Variants in M1AP observed in about 807,000 individuals in gnomAD.
M1AP encodes the protein meiosis 1 associated protein.
M1AP carries 39 observed loss-of-function variants against 51.2 expected under a neutral mutation model. That is an observed-to-expected ratio of 0.76 (90% CI 0.59 to 1.00). The LOEUF is 1.00. Ranked by LOEUF, M1AP falls within the 50% of genes least tolerant of loss-of-function variation. The pLI is 0.00. For missense variants in M1AP, 545 were observed against 641.2 expected, an observed-to-expected ratio of 0.85 and a Z score of 1.62; for synonymous variants, 251 against 249.2, an observed-to-expected ratio of 1.01 and a Z score of -0.07.
At chr2:74,615,428 A>T in intron 2 of M1AP, 1 of 355,364 alleles carries the variant, frequency 2.8e-6, no homozygotes, top group South Asian at 3.4e-5. Flanking sequence ...CACAAAGGGA[A>T]ATCCAGTTGT....
chr2:74,646,384 C>T (rs2104869044), intron 1 of M1AP, among the ~76,000 whole-genome samples: 1 of 152,308 alleles, frequency 6.6e-6, no homozygotes, highest in African/African-American at 2.4e-5. Flanking sequence ...TTGACACTGC[C>T]TCCACCTGAT....
At chr2:74,608,132 T>G (rs1171335457) in intron 3 of M1AP, among the ~76,000 whole-genome samples, 2 of 152,180 alleles carry the variant, frequency 1.3e-5, no homozygotes, top group African/African-American at 4.8e-5. Context: ...CTTGGTGTAG[T>G]ACATTCTATG....
intron 10 of M1AP, 36 bp from the exon 11 acceptor site, chr2:74,558,910 C>G (rs202130624): frequency 2.3e-4 from 353 of 1,554,814 alleles, no homozygotes; most frequent in Admixed American, 4.2e-4. Context: ...CTCTGAAGAT[C>G]AGAGTTTCTG....
At chr2:74,647,456 T>C in intron 1 of M1AP, 1 of 910,342 alleles carries the variant, frequency 1.1e-6, no homozygotes, top group Non-Finnish European at 1.3e-6. Context: ...ACTTTCGTCT[T>C]CGTGGACCCC....
At chr2:74,631,962 T>C (rs1682731951) in intron 2 of M1AP, among the ~76,000 whole-genome samples, 1 of 152,250 alleles carries the variant, frequency 6.6e-6, no homozygotes, top group African/African-American at 2.4e-5. Flanking sequence ...AATATTTATA[T>C]AGGTCAGTGA....
chr2:74,642,568 G>A (rs1037791329), intron 1 of M1AP, among the ~76,000 whole-genome samples: 1 of 152,314 alleles, frequency 6.6e-6, no homozygotes, highest in South Asian at 2.1e-4. Flanking sequence ...CAAGGAGCAT[G>A]CTATCATCAC....
intron 4 of M1AP, among the ~76,000 whole-genome samples, chr2:74,583,984 T>C (rs1379594330): frequency 1.3e-5 from 2 of 152,216 alleles, no homozygotes; most frequent in African/African-American, 2.4e-5. Context: ...CCATCAGATA[T>C]ATCTGACACT....
Position 74,558,407 on chromosome 2 carries a change from TGA to T in M1AP, c.*307_*308del, listed in dbSNP as rs1677652027. The T allele has an allele frequency of 1.3e-5, 4 of 313,816 alleles. No individual in the cohort carries two copies. In the East Asian group the frequency reaches 3.6e-4, roughly 28 times the overall value. The allele number at this position is 313,816 out of a possible 1,614,324, so 19.4% of individuals were successfully genotyped here. A position where few individuals can be genotyped will look rare whatever the true frequency, so the allele number is the denominator to read the frequency against. On this transcript the variant is annotated 3_prime_UTR_variant, in exon 11 of 11. Transcript: ENST00000421985. The stretch of plus-strand genomic sequence containing the variant: ...TACACAGAGCTACAAGAAGAAATTC[TGA>T]GTTATGAATGCTCCTAACAATGGTA...
At chr2:74,563,624 A>C (rs1330339624) in intron 7 of M1AP, among the ~76,000 whole-genome samples, 2 of 151,668 alleles carry the variant, frequency 1.3e-5, no homozygotes, top group East Asian at 1.9e-4. Flanking sequence ...AAAAAAAAAA[A>C]AAACATAAAG....
rs532739278 is a variant in M1AP, at chr2:74,564,055, G to T, written c.1075-1632C>A. 1.4e-4 allele frequency among the ~76,000 whole-genome samples: 22 copies of T among 152,294 alleles called. No individual in the cohort carries two copies. The South Asian group carries it at 4.3e-3, about 30-fold the overall frequency. ...ACATAAGATAGAAGAAAACACATGA[G>T]TTCTGGCTACTCTTATATGAAAAGT... On this transcript the variant is annotated intron_variant, in intron 7 of 10. Transcript: ENST00000421985.
At chr2:74,560,423 T>C (rs983510226) in intron 8 of M1AP, 132 bp from the exon 9 acceptor site, 3 of 908,758 alleles carry the variant, frequency 3.3e-6, no homozygotes, top group South Asian at 1.8e-5. Context: ...GGCTGTGAAA[T>C]AGATGCTGTC....
chr2:74,591,008 T>C (rs1680010120), intron 4 of M1AP, among the ~76,000 whole-genome samples: 4 of 152,188 alleles, frequency 2.6e-5, no homozygotes, highest in Admixed American at 2.6e-4. Flanking sequence ...TTTCTCCATT[T>C]GTAAAGTGGG....
intron 5 of M1AP, 91 bp downstream of exon 5, chr2:74,581,583 G>A (rs756184523): frequency 3.5e-5 from 44 of 1,267,156 alleles, no homozygotes; most frequent in Admixed American, 1.4e-4. Flanking sequence ...AAACCTCAAC[G>A]ATGCTATATT....
intron 2 of M1AP, among the ~76,000 whole-genome samples, chr2:74,636,615 C>CA (rs1363481846): frequency 6.6e-5 from 10 of 151,920 alleles, no homozygotes; most frequent in African/African-American, 2.4e-4. Flanking sequence ...GAGTGTATTT[C>CA]TTTGTATAGG....
chr2:74,621,932 A>C (rs1573163797), intron 2 of M1AP, among the ~76,000 whole-genome samples: 1 of 149,148 alleles, frequency 6.7e-6, no homozygotes, highest in East Asian at 2.0e-4. Context: ...ACATGGTGAA[A>C]CCCCACATCT....
chr2:74,616,142 A>T (rs1022617931), intron 2 of M1AP, among the ~76,000 whole-genome samples: 10 of 152,236 alleles, frequency 6.6e-5, no homozygotes, highest in African/African-American at 2.4e-4. Context: ...TAGAAAGGAA[A>T]ATAAGAAAAC....
intron 1 of M1AP, among the ~76,000 whole-genome samples, chr2:74,644,347 G>T (rs1448116301): frequency 1.3e-5 from 2 of 152,144 alleles, no homozygotes; most frequent in East Asian, 3.9e-4. Flanking sequence ...AGACCAGCCT[G>T]ACCAACATGG....
rs202206450 is a variant in M1AP at position 74,606,922 on chromosome 2, T to C, written c.595+133A>G. On this transcript the variant is annotated intron_variant, in intron 4 of 10. Transcript: ENST00000421985. ...TTTTATTATTATTATATTTTAAGTT[T>C]TAGGGTACATGTGCACAACGTGCAG... 22 of 400,798 alleles carry C rather than the reference T, an allele frequency of 5.5e-5. No individual in the cohort carries two copies. The East Asian group carries it at 8.7e-4, about 16-fold the overall frequency. The allele number at this position is 400,798 out of a possible 1,614,324, so 24.8% of individuals were successfully genotyped here.
chr2:74,621,342 TGA>T (rs1682020050), intron 2 of M1AP, among the ~76,000 whole-genome samples: 1 of 151,326 alleles, frequency 6.6e-6, no homozygotes, highest in South Asian at 2.1e-4. Flanking sequence ...GCTGGCAAAA[TGA>T]GAGGCACAGA....
Sources: allele counts gnomAD v4.1 joint callset (sites outside exome capture counted in the v4.1 genomes callset), GRCh38; gene constraint gnomAD v4.1.1; transcripts MANE v1.5; gene names NCBI Gene and HGNC (gene_info 2026-07-23, HGNC 2026-07-21).